CSNK1G1: variants seen among roughly 807,000 people sequenced by gnomAD.
The protein encoded by CSNK1G1 is casein kinase 1 gamma 1.
In CSNK1G1, 22 loss-of-function variants were observed where a neutral mutation model predicts 59.6. The ratio of observed to expected loss-of-function variants is 0.37; its 90% confidence interval spans 0.26 to 0.53. The LOEUF (loss-of-function observed/expected upper bound fraction) is 0.53. Ranked by LOEUF, CSNK1G1 falls within the 20% of genes least tolerant of loss-of-function variation. The pLI, the probability that CSNK1G1 is intolerant of heterozygous loss-of-function variation, is 0.89. For synonymous variants in CSNK1G1, 179 were observed against 177.1 expected (o/e 1.01, Z -0.08); for missense variants, 384 against 519.5 (o/e 0.74, Z 2.54).
chr15:64,192,440 A>C (rs887154145), intron 10 of CSNK1G1, among the ~76,000 whole-genome samples: 1 of 152,258 alleles, frequency 6.6e-6, no homozygotes, highest in African/African-American at 2.4e-5. Flanking sequence ...GCAATCCAGC[A>C]TAGCATAAAT....
chr15:64,176,137 G>T lies in CSNK1G1; in HGVS notation c.1215-4152C>A, dbSNP rs1035061288. 2.3e-5 allele frequency: 9 copies of T among 397,662 alleles called. No homozygotes were observed. Among genetic ancestry groups the T allele is most frequent in the African/African-American group, 1.9e-4 (9 of 48,606 alleles). The allele number at this position is 397,662 out of a possible 1,614,324, so 24.6% of individuals were successfully genotyped here. ...CTTATGGATCTAGATCCCCAGTCAGGGTGGTTATGGCACAAGGAGTCCTAT... is the reference window on the plus strand; with the variant it reads ...CTTATGGATCTAGATCCCCAGTCAGTGTGGTTATGGCACAAGGAGTCCTAT... On this transcript the variant is annotated intron_variant, in intron 11 of 11. Transcript: ENST00000303052. This position sits in a 1 kb window ranked among gnomAD's most constrained non-coding sequence, Gnocchi z 5.2.
intron 1 of CSNK1G1, among the ~76,000 whole-genome samples, chr15:64,351,778 C>G (rs1385902492): frequency 6.6e-6 from 1 of 152,080 alleles, no homozygotes. Flanking sequence ...AATCGGGAGA[C>G]TGAGGCAGGA....
At chr15:64,277,681 A>G (rs942600460) in intron 2 of CSNK1G1, among the ~76,000 whole-genome samples, 3 of 134,464 alleles carry the variant, frequency 2.2e-5, no homozygotes, top group Non-Finnish European at 4.6e-5. Context: ...TTAATAATAT[A>G]GCAATATTGA....
At chr15:64,211,503 C>T (rs778634797) in intron 6 of CSNK1G1, among the ~76,000 whole-genome samples, 29 of 151,984 alleles carry the variant, frequency 1.9e-4, no homozygotes, top group Non-Finnish European at 3.4e-4. Context: ...TCAAAAGTCC[C>T]GGCAGGAATG....
At chr15:64,320,616 T>C (rs995865281) in intron 1 of CSNK1G1, among the ~76,000 whole-genome samples, 4 of 148,568 alleles carry the variant, frequency 2.7e-5, no homozygotes, top group African/African-American at 7.5e-5. Context: ...GAAGTGGAGG[T>C]TGCAGTGAGC....
chr15:64,166,871 G>A lies in CSNK1G1; in HGVS notation c.*5060C>T, dbSNP rs2081608758. On this transcript the variant is annotated 3_prime_UTR_variant, in exon 12 of 12. Transcript: ENST00000303052. The surrounding 1 kb of genome is among the most constrained non-coding windows in gnomAD (Gnocchi z 4.5). ...GCTCTGAGACCTTATAGATGGTGAT[G>A]GCACTGGGAAAGTGATTGTGAGGAG... 1 of 152,578 alleles carries A rather than the reference G, an allele frequency of 6.6e-6. No individual in the cohort carries two copies. Among genetic ancestry groups the A allele is most frequent in the Non-Finnish European group, 1.5e-5 (1 of 68,038 alleles). The allele number at this position is 152,578 out of a possible 1,614,324, so 9.5% of individuals were successfully genotyped here. A position where few individuals can be genotyped will look rare whatever the true frequency, so the allele number is the denominator to read the frequency against.
intron 1 of CSNK1G1, among the ~76,000 whole-genome samples, chr15:64,338,192 T>C (rs1205983218): frequency 6.6e-6 from 1 of 152,186 alleles, no homozygotes; most frequent in African/African-American, 2.4e-5. Flanking sequence ...TTTTCCACAA[T>C]GGCTGCGGCA....
chr15:64,180,243 A>T, intron 11 of CSNK1G1, 105 bp downstream of exon 11: 1 of 819,292 alleles, frequency 1.2e-6, no homozygotes, highest in Non-Finnish European at 2.1e-6. Flanking sequence ...AGCTGTGGTT[A>T]CAAGCATGAG....
In CSNK1G1 at chr15:64,259,027, T is replaced by C. The variant is rs1892546663; in HGVS notation, c.222+174A>G. ...TTTAACTATATAGTGTTATATAGTA[T>C]ACAGTGATTCATCACTGTTAACACT... On this transcript the variant is annotated intron_variant, in intron 3 of 11. Coordinates refer to ENST00000303052, the MANE Select transcript of CSNK1G1 (RefSeq NM_022048.5). The C allele has an allele frequency of 1.1e-5, 6 of 570,644 alleles. No individual in the cohort carries two copies. The South Asian group carries it at 1.4e-4, about 13-fold the overall frequency. The allele number at this position is 570,644 out of a possible 1,614,324, so 35.3% of individuals were successfully genotyped here. A position where few individuals can be genotyped will look rare whatever the true frequency, so the allele number is the denominator to read the frequency against.
At chr15:64,251,040 T>G (rs549432728) in intron 4 of CSNK1G1, among the ~76,000 whole-genome samples, 88 of 152,352 alleles carry the variant, frequency 5.8e-4, no homozygotes, top group African/African-American at 2.0e-3. Flanking sequence ...CATAGGTTAT[T>G]ACAATCATAT....
chr15:64,235,528 C>T (rs1225401468), intron 4 of CSNK1G1, among the ~76,000 whole-genome samples: 1 of 152,110 alleles, frequency 6.6e-6, no homozygotes, highest in South Asian at 2.1e-4. Flanking sequence ...ACGAAAAAAA[C>T]CTCATTGGGC....
intron 11 of CSNK1G1, 174 bp downstream of exon 11, chr15:64,180,174 A>G: frequency 1.7e-6 from 1 of 575,246 alleles, no homozygotes; most frequent in Non-Finnish European, 3.1e-6. Flanking sequence ...AATCACAGCT[A>G]AAGAAGGGCA....
chr15:64,254,001 G>C (rs1228507576), intron 3 of CSNK1G1, among the ~76,000 whole-genome samples: 3 of 152,068 alleles, frequency 2.0e-5, no homozygotes, highest in Non-Finnish European at 2.9e-5. Flanking sequence ...TGAGCCAGGA[G>C]TGTCAGCGTG....
At chr15:64,193,727 A>G (rs995643714) in intron 10 of CSNK1G1, among the ~76,000 whole-genome samples, 1 of 152,164 alleles carries the variant, frequency 6.6e-6, no homozygotes, top group Non-Finnish European at 1.5e-5. Flanking sequence ...CGAGAGTATC[A>G]ATTCTGTGAC....
intron 11 of CSNK1G1, among the ~76,000 whole-genome samples, chr15:64,172,318 T>A (rs576263296): frequency 6.6e-6 from 1 of 152,206 alleles, no homozygotes; most frequent in Admixed American, 6.5e-5. Context: ...TCAAGAGTCA[T>A]GACTGGGGGT....
chr15:64,327,274 G>C (rs2140451188), intron 1 of CSNK1G1, among the ~76,000 whole-genome samples: 1 of 151,374 alleles, frequency 6.6e-6, no homozygotes, highest in African/African-American at 2.4e-5. Context: ...AAATGTCCCT[G>C]TCTGACAGCT....
intron 1 of CSNK1G1, among the ~76,000 whole-genome samples, chr15:64,335,626 T>TTTTAATAACC (rs1199845785): frequency 6.6e-6 from 1 of 152,232 alleles, no homozygotes; most frequent in African/African-American, 2.4e-5. Context: ...ATTTGAATTT[T>TTTTAATAACC]AAGCTTTAAT....
chr15:64,206,297 G>A (rs535322159), intron 7 of CSNK1G1, among the ~76,000 whole-genome samples: 37 of 152,050 alleles, frequency 2.4e-4, no homozygotes, highest in African/African-American at 8.0e-4. Context: ...AAAATTAGCC[G>A]GGTGTGGTGG....
At chr15:64,333,846 T>C (rs1158628416) in intron 1 of CSNK1G1, among the ~76,000 whole-genome samples, 1 of 152,140 alleles carries the variant, frequency 6.6e-6, no homozygotes, top group Non-Finnish European at 1.5e-5. Flanking sequence ...TTTAACAAGA[T>C]TTTACAATCT....
Sources: gnomAD v4.1 joint callset for allele counts (sites outside exome capture counted in the v4.1 genomes callset) on GRCh38, gnomAD v4.1.1 for gene constraint, Gnocchi (gnomAD v3.1) non-coding constraint, MANE v1.5 for transcripts, NCBI Gene and HGNC (gene_info 2026-07-23, HGNC 2026-07-21) for gene names.